The following CEP162 variants were observed in gnomAD, a reference collection of about 807,000 sequenced individuals.
The protein encoded by CEP162 is centrosomal protein of 162 kDa.
A neutral mutation model predicts 169.2 loss-of-function variants in CEP162; 141 were observed. The ratio of observed to expected loss-of-function variants is 0.83; its 90% CI spans 0.73 to 0.96. The LOEUF is 0.96. Among genes scored for constraint, CEP162 ranks in the 40% least tolerant of loss-of-function variants. CEP162 has a pLI of 0.00. For missense variants in CEP162, 1,600 were observed against 1,587.2 expected (o/e 1.01, Z -0.14); for synonymous variants, 540 against 526.4 (o/e 1.03, Z -0.35).
chr6:84,202,730 A>T (rs1325466426), intron 7 of CEP162, among the ~76,000 whole-genome samples: 1 of 151,210 alleles, frequency 6.6e-6, no homozygotes, highest in Non-Finnish European at 1.5e-5. Flanking sequence ...GGGTTTCATC[A>T]TGTTGGCCAG....
chr6:84,124,893 C>A lies in CEP162; in HGVS notation c.*177G>T, dbSNP rs2099508287. 1.6e-6 allele frequency: 1 copy of A among 619,212 alleles called. No homozygotes were observed. The highest frequency in any genetic ancestry group is 2.8e-6 in the Non-Finnish European group (1 of 357,730). 38.4% of individuals were successfully genotyped at this position (619,212 alleles called of 1,614,324 possible). A position where few individuals can be genotyped will look rare whatever the true frequency, so the allele number is the denominator to read the frequency against. The stretch of plus-strand genomic sequence containing the variant: ...GGTTAATGATTTTTAGTAAAATACA[C>A]CATTATATGTTTTTTTTCTTATTGG... On this transcript the variant is annotated 3_prime_UTR_variant, in exon 27 of 27. Coordinates refer to ENST00000403245, the MANE Select transcript of CEP162 (RefSeq NM_014895.4).
intron 23 of CEP162, among the ~76,000 whole-genome samples, chr6:84,151,202 C>T (rs2099520957): frequency 6.6e-6 from 1 of 152,010 alleles, no homozygotes; most frequent in South Asian, 2.1e-4. Flanking sequence ...AGTTGAGAGT[C>T]ACCGGAGAGC....
At chr6:84,149,160 C>G (rs1324146) in intron 24 of CEP162, among the ~76,000 whole-genome samples, 1 of 151,910 alleles carries the variant, frequency 6.6e-6, no homozygotes, top group South Asian at 2.1e-4. Context: ...GGTCATGGGG[C>G]AGGAAGAATG....
Position 84,163,185 on chromosome 6 carries a change from T to G in CEP162, c.2471A>C (p.Lys824Thr), listed in dbSNP as rs1288793904. ...ALEVDFEKMK[K>T]ERDQAKDQIA... ...CTGATCTTTGGCTTGGTCCCTCTCTTTCTTCATTTTTTCGAAGTCTACTTC... is the reference window on the plus strand; with the variant it reads ...CTGATCTTTGGCTTGGTCCCTCTCTGTCTTCATTTTTTCGAAGTCTACTTC... Residue 824 changes from lysine to threonine, a missense_variant, in exon 19 of 27, where the codon AAA becomes ACA. By Grantham distance (78) the Lys-to-Thr change is moderately conservative (BLOSUM62 -1). Coordinates refer to ENST00000403245, the MANE Select transcript of CEP162 (RefSeq NM_014895.4). 1 of 1,613,384 alleles carries G rather than the reference T, an allele frequency of 6.2e-7. No individual in the cohort carries two copies. The highest frequency in any genetic ancestry group is 1.3e-5 in the African/African-American group (1 of 75,016).
At chr6:84,148,839 CT>C (rs1347796443) in intron 24 of CEP162, among the ~76,000 whole-genome samples, 1 of 151,966 alleles carries the variant, frequency 6.6e-6, no homozygotes, top group East Asian at 1.9e-4. Context: ...CCACCTTTTT[CT>C]TTTTCTTGGA....
At chr6:84,156,420 C>T (rs2099523191) in intron 21 of CEP162, among the ~76,000 whole-genome samples, 1 of 152,128 alleles carries the variant, frequency 6.6e-6, no homozygotes, top group African/African-American at 2.4e-5. Flanking sequence ...AGGACACGAA[C>T]ACACATTTTT....
At chr6:84,198,159 G>A (rs2099542937) in intron 9 of CEP162, among the ~76,000 whole-genome samples, 1 of 152,160 alleles carries the variant, frequency 6.6e-6, no homozygotes. Flanking sequence ...TAAGTTAACT[G>A]CTTAATACAT....
chr6:84,125,833 C>T (rs2099508718), intron 26 of CEP162, among the ~76,000 whole-genome samples: 1 of 152,068 alleles, frequency 6.6e-6, no homozygotes, highest in Non-Finnish European at 1.5e-5. Context: ...TTTAGCCACC[C>T]AATTTATGAT....
At chr6:84,202,288 A>G (rs2099544841) in intron 7 of CEP162, among the ~76,000 whole-genome samples, 1 of 152,118 alleles carries the variant, frequency 6.6e-6, no homozygotes, top group South Asian at 2.1e-4. Flanking sequence ...GTTCCCTTAG[A>G]ATAACTTTTC....
At chr6:84,141,794 TC>T (rs749073871) in intron 25 of CEP162, among the ~76,000 whole-genome samples, 8 of 152,106 alleles carry the variant, frequency 5.3e-5, no homozygotes, top group Non-Finnish European at 1.2e-4. Context: ...TTTCCAGAGC[TC>T]CATCATCAAC....
At position 84,169,023 on chromosome 6, in the gene CEP162, A is replaced by C. The variant is rs541678234; in HGVS notation, c.2385+305T>G. Reference sequence around the variant, plus strand: ...GAAATAAGGTATACATGTCCTAAATAAAATCATGCCTCTGATATGGCTCTA... The same window carrying C: ...GAAATAAGGTATACATGTCCTAAATCAAATCATGCCTCTGATATGGCTCTA... On this transcript the variant is annotated intron_variant, in intron 18 of 26. Coordinates refer to ENST00000403245, the MANE Select transcript of CEP162 (RefSeq NM_014895.4). Among the ~76,000 whole-genome samples the C allele has an allele frequency of 7.6e-4, 116 of 152,316 alleles. 2 individuals carry two copies. The South Asian group carries it at 0.023, about 31-fold the overall frequency.
rs567932556 is a variant in CEP162, at chr6:84,209,721, C to G, written c.571+3236G>C. 1.4e-4 allele frequency among the ~76,000 whole-genome samples: 22 copies of G among 152,204 alleles called. 1 individual carries two copies. The South Asian group carries it at 4.4e-3, about 30-fold the overall frequency. Reference sequence around the variant, plus strand: ...TAATCTAAATCAAAAGTTAATACAGCCAAGTATGATTTCTGATTGGGAAAA... The same window carrying G: ...TAATCTAAATCAAAAGTTAATACAGGCAAGTATGATTTCTGATTGGGAAAA... On this transcript the variant is annotated intron_variant, in intron 6 of 26. Transcript: ENST00000403245.
At chr6:84,126,313 T>A (rs969895552) in intron 26 of CEP162, 65 bp downstream of exon 26, 2 of 1,236,710 alleles carry the variant, frequency 1.6e-6, no homozygotes, top group Non-Finnish European at 2.1e-6. Flanking sequence ...ATGACAAAAC[T>A]ATAGCAAATT....
chr6:84,184,593 C>T (rs1562054513), intron 13 of CEP162, among the ~76,000 whole-genome samples: 1 of 152,116 alleles, frequency 6.6e-6, no homozygotes, highest in Non-Finnish European at 1.5e-5. Context: ...TCCACATGCT[C>T]TCAGGATTCT....
chr6:84,217,380 G>C (rs2099551975), intron 3 of CEP162, among the ~76,000 whole-genome samples: 1 of 152,214 alleles, frequency 6.6e-6, no homozygotes, highest in Non-Finnish European at 1.5e-5. Flanking sequence ...TCACTGAGAA[G>C]TTAACACGTG....
chr6:84,220,190 A>C (rs1419902468), intron 3 of CEP162, among the ~76,000 whole-genome samples: 1 of 152,186 alleles, frequency 6.6e-6, no homozygotes, highest in Non-Finnish European at 1.5e-5. Flanking sequence ...CCAAAAGCCC[A>C]TATGTATATT....
At chr6:84,209,990 A>G (rs117194077) in intron 6 of CEP162, among the ~76,000 whole-genome samples, 180 of 152,350 alleles carry the variant, frequency 1.2e-3, no homozygotes, top group Non-Finnish European at 2.2e-3. Context: ...AACAAACATC[A>G]AGGCAAATTA....
chr6:84,188,126 T>G (rs1333489848), intron 11 of CEP162, among the ~76,000 whole-genome samples: 3 of 149,590 alleles, frequency 2.0e-5, no homozygotes, highest in African/African-American at 4.9e-5. Context: ...AAAAAGAGTG[T>G]CATCTTCACA....
At chr6:84,177,762 CTT>C (rs2099532998) in intron 13 of CEP162, among the ~76,000 whole-genome samples, 1 of 152,144 alleles carries the variant, frequency 6.6e-6, no homozygotes, top group Admixed American at 6.6e-5. Context: ...GTCTCGAACT[CTT>C]TACCTCAAGT....
Sources: gnomAD v4.1 joint callset for allele counts (sites outside exome capture counted in the v4.1 genomes callset) on GRCh38, gnomAD v4.1.1 for gene constraint, MANE v1.5 for transcripts, NCBI Gene and HGNC (gene_info 2026-07-23, HGNC 2026-07-21) for gene names.